XNDC1N: variants seen among roughly 807,000 people sequenced by gnomAD.
XNDC1N encodes the protein XRCC1 N-terminal domain containing 1, N-terminal like, also known as protein XNDC1N.
At chr11:71,903,750 T>C in the XNDC1N span, 1 of 363,568 alleles carries the variant, frequency 2.8e-6, no homozygotes, top group Admixed American at 3.9e-5. Context: ...TAATTTCTTC[T>C]GGGAACCTTC....
At chr11:71,879,909 T>A in the XNDC1N span, among the ~76,000 whole-genome samples, 1 of 152,220 alleles carries the variant, frequency 6.6e-6, no homozygotes, top group Admixed American at 6.5e-5. Flanking sequence ...TGTTGTGGCA[T>A]AGATTCGTAC....
At chr11:71,916,220 A>G in the XNDC1N span, 17 of 702,748 alleles carry the variant, frequency 2.4e-5, no homozygotes, top group Non-Finnish European at 3.9e-5. Flanking sequence ...AGTCGATCCC[A>G]TAACTCTCCT....
chr11:71,879,265 A>T, the XNDC1N span, among the ~76,000 whole-genome samples: 1 of 141,294 alleles, frequency 7.1e-6, no homozygotes, highest in Admixed American at 6.9e-5. Flanking sequence ...CATTTAATGT[A>T]TATGGAAATT....
the XNDC1N span, among the ~76,000 whole-genome samples, chr11:71,871,620 A>G: frequency 8.5e-5 from 13 of 152,192 alleles, no homozygotes; most frequent in African/African-American, 2.9e-4. Context: ...TCATAACATC[A>G]CTTTGTACCC....
the XNDC1N span, among the ~76,000 whole-genome samples, chr11:71,922,226 A>G: frequency 1.3e-5 from 2 of 152,206 alleles, no homozygotes; most frequent in African/African-American, 4.8e-5. Flanking sequence ...GGTAAGTGTA[A>G]TATTAATTTT....
At chr11:71,891,319 C>A in the XNDC1N span, among the ~76,000 whole-genome samples, 2 of 151,702 alleles carry the variant, frequency 1.3e-5, no homozygotes, top group Non-Finnish European at 2.9e-5. Context: ...TAATATCATC[C>A]TCTCTCCCTC....
At chr11:71,900,035 G>A in the XNDC1N span, among the ~76,000 whole-genome samples, 2 of 152,398 alleles carry the variant, frequency 1.3e-5, no homozygotes, top group East Asian at 1.9e-4. Flanking sequence ...TTTGGGTGGA[G>A]AGAAACCTAA....
At chr11:71,893,400 T>G in the XNDC1N span, 2 of 696,690 alleles carry the variant, frequency 2.9e-6, no homozygotes, top group Non-Finnish European at 5.3e-6. Context: ...GCATCCAGCA[T>G]TAAGGGCTGG....
the XNDC1N span, chr11:71,923,380 C>G: frequency 3.4e-4 from 239 of 702,008 alleles, 1 homozygote; most frequent in African/African-American, 3.6e-3. Context: ...GTTTCAAGTA[C>G]AAGACAAAAA....
At chr11:71,914,842 C>A in the XNDC1N span, among the ~76,000 whole-genome samples, 2 of 152,136 alleles carry the variant, frequency 1.3e-5, no homozygotes, top group Non-Finnish European at 2.9e-5. Flanking sequence ...AAATCTACTC[C>A]TGGTGAAGAT....
the XNDC1N span, chr11:71,903,079 T>G: frequency 1.8e-6 from 1 of 541,612 alleles, no homozygotes; most frequent in Non-Finnish European, 3.4e-6. Flanking sequence ...CTGAAAACAT[T>G]ACTTGTGAAT....
the XNDC1N span, among the ~76,000 whole-genome samples, chr11:71,891,740 A>T: frequency 6.6e-6 from 1 of 151,900 alleles, no homozygotes; most frequent in Non-Finnish European, 1.5e-5. Flanking sequence ...AAGGGTGTAC[A>T]ACCCCTGCGA....
At chr11:71,924,453 T>A in the XNDC1N span, among the ~76,000 whole-genome samples, 1 of 151,728 alleles carries the variant, frequency 6.6e-6, no homozygotes, top group South Asian at 2.1e-4. Context: ...CCAAGGTGGG[T>A]GGATCACGAG....
At chr11:71,882,146 A>C in the XNDC1N span, among the ~76,000 whole-genome samples, 2 of 152,184 alleles carry the variant, frequency 1.3e-5, no homozygotes, top group Admixed American at 6.5e-5. Context: ...ACCAAGGATA[A>C]GAATTACATC....
chr11:71,903,245 G>A, the XNDC1N span: 1 of 1,032,390 alleles, frequency 9.7e-7, no homozygotes, highest in East Asian at 2.4e-5. Flanking sequence ...CGAACTCTCA[G>A]AGGATCCAGA....
At chr11:71,919,111 C>A in the XNDC1N span, 4 of 671,264 alleles carry the variant, frequency 6.0e-6, no homozygotes, top group South Asian at 6.5e-5. Flanking sequence ...CGCTAAAACC[C>A]CAAACCTTCC....
At chr11:71,886,708 A>G in the XNDC1N span, among the ~76,000 whole-genome samples, 5 of 152,180 alleles carry the variant, frequency 3.3e-5, no homozygotes, top group Non-Finnish European at 7.3e-5. Context: ...CTGCAGAAAC[A>G]GGCTGGGCTT....
At chr11:71,866,539 T>C in the XNDC1N span, among the ~76,000 whole-genome samples, 3 of 152,090 alleles carry the variant, frequency 2.0e-5, no homozygotes, top group Non-Finnish European at 4.4e-5. Context: ...CCCAACACTT[T>C]GGGAGGCCGA....
the XNDC1N span, among the ~76,000 whole-genome samples, chr11:71,923,866 T>C: frequency 6.6e-6 from 1 of 152,134 alleles, no homozygotes; most frequent in East Asian, 1.9e-4. Flanking sequence ...AGTCAGTCCA[T>C]TTCTGATGAC....
Sources: allele counts gnomAD v4.1 joint callset (sites outside exome capture counted in the v4.1 genomes callset), GRCh38; gene constraint gnomAD v4.1.1; transcripts MANE v1.5; gene names NCBI Gene and HGNC (gene_info 2026-07-23, HGNC 2026-07-21).